The following CDKL4 variants were observed in gnomAD, a reference collection of about 807,000 sequenced individuals.
CDKL4 encodes the protein cyclin dependent kinase like 4, also known as cyclin-dependent kinase-like 4.
Under a neutral mutation model 42.0 loss-of-function variants are expected in CDKL4, and 44 were observed. The ratio of observed to expected loss-of-function variants is 1.05; its 90% confidence interval spans 0.82 to 1.35. CDKL4 has a LOEUF of 1.35. Ranked by LOEUF, CDKL4 falls within the 40% of genes most tolerant of loss-of-function variation. CDKL4 has a pLI of 0.00. For missense variants in CDKL4, 393 were observed against 369.9 expected (o/e 1.06, Z -0.51); for synonymous variants, 120 against 121.6 (o/e 0.99, Z 0.09).
chr2:39,233,109 G>T (rs1049364599), intron 1 of CDKL4, among the ~76,000 whole-genome samples: 2 of 151,496 alleles, frequency 1.3e-5, no homozygotes, highest in Admixed American at 6.6e-5. Flanking sequence ...TTCTGGAGGG[G>T]TTATCTCTTG....
intron 5 of CDKL4, among the ~76,000 whole-genome samples, chr2:39,191,223 A>C (rs1377214908): frequency 6.6e-6 from 1 of 152,094 alleles, no homozygotes; most frequent in South Asian, 2.1e-4. Context: ...ACATGGCAAA[A>C]CCCTGTCTCT....
At chr2:39,173,757 GA>G (rs1435426958), downstream of CDKL4, among the ~76,000 whole-genome samples, 2 of 150,576 alleles carry the variant, frequency 1.3e-5, no homozygotes, top group Admixed American at 6.6e-5. Context: ...AGCTTGCAGT[GA>G]GCCGAGATTG....
intron 3 of CDKL4, among the ~76,000 whole-genome samples, chr2:39,213,802 C>G (rs756201797): frequency 1.4e-4 from 21 of 152,162 alleles, no homozygotes; most frequent in Non-Finnish European, 2.5e-4. Flanking sequence ...TGGGTCAAAT[C>G]TTGCTACCCC....
At chr2:39,176,897 G>T (rs1216420798) in intron 9 of CDKL4, among the ~76,000 whole-genome samples, 1 of 152,152 alleles carries the variant, frequency 6.6e-6, no homozygotes, top group Non-Finnish European at 1.5e-5. Context: ...ATTCAGGTGT[G>T]TCTTCTGAAG....
intron 1 of CDKL4, among the ~76,000 whole-genome samples, chr2:39,235,966 T>G (rs546372495): frequency 6.6e-6 from 1 of 152,016 alleles, no homozygotes; most frequent in Non-Finnish European, 1.5e-5. Flanking sequence ...TAAAAATGGA[T>G]TCTGAGTAGA....
chr2:39,217,748 T>A (rs113771895), intron 3 of CDKL4, among the ~76,000 whole-genome samples: 5 of 146,494 alleles, frequency 3.4e-5, no homozygotes, highest in East Asian at 2.0e-4. Flanking sequence ...TTATTTATTT[T>A]TTGAGATAGA....
upstream of CDKL4, among the ~76,000 whole-genome samples, chr2:39,245,300 G>T (rs547280168): frequency 5.3e-5 from 8 of 152,096 alleles, no homozygotes; most frequent in African/African-American, 1.9e-4. Flanking sequence ...CTCCAGACGC[G>T]CTGCCTTAAG....
At position 39,194,852 on chromosome 2, in the gene CDKL4, G is replaced by A. The variant is rs143407380; in HGVS notation, c.455-4350C>T. Among the ~76,000 whole-genome samples the A allele has an allele frequency of 6.0e-3, 914 of 152,256 alleles. 9 individuals are homozygous for A. Among genetic ancestry groups the A allele is most frequent in the African/African-American group, 0.021 (877 of 41,548 alleles). On this transcript the variant is annotated intron_variant, in intron 5 of 9. Transcript: ENST00000451199. Reference sequence around the variant, plus strand: ...ATTTACCATTTAACCATTTAAGAGTGTGCAATTCAGTGGCATGAAGTACAT... The same window carrying A: ...ATTTACCATTTAACCATTTAAGAGTATGCAATTCAGTGGCATGAAGTACAT...
chr2:39,193,270 TAAA>T (rs1191502183), intron 5 of CDKL4, among the ~76,000 whole-genome samples: 5 of 136,016 alleles, frequency 3.7e-5, no homozygotes, highest in Admixed American at 2.2e-4. Context: ...CTCTCTCTGT[TAAA>T]AAAAAAAAAA....
intron 9 of CDKL4, chr2:39,178,580 G>C: frequency 6.4e-7 from 1 of 1,552,358 alleles, no homozygotes; most frequent in Middle Eastern, 1.7e-4. Context: ...CTGAAAGCAA[G>C]TGAAGGACAG....
At chr2:39,215,541 T>C (rs1023976742) in intron 3 of CDKL4, among the ~76,000 whole-genome samples, 1 of 152,224 alleles carries the variant, frequency 6.6e-6, no homozygotes, top group African/African-American at 2.4e-5. Context: ...AAAAAAATTA[T>C]ATTATGTAAT....
chr2:39,181,810 A>C (rs1558543876), intron 8 of CDKL4, among the ~76,000 whole-genome samples: 1 of 152,188 alleles, frequency 6.6e-6, no homozygotes, highest in African/African-American at 2.4e-5. Context: ...GGAAGAGGCA[A>C]GGAAAGAACC....
intron 1 of CDKL4, among the ~76,000 whole-genome samples, chr2:39,240,677 T>TAAAAAAAA (rs768356807): frequency 1.0e-4 from 9 of 87,902 alleles, no homozygotes; most frequent in East Asian, 3.0e-4. Context: ...AGATGAACAT[T>TAAAAAAAA]AAAAAAAAAA....
At position 39,225,835 on chromosome 2, in the gene CDKL4, T is replaced by C. The variant is rs1406001427; in HGVS notation, c.290+4A>G. ...TACAGAATTTCAGTTTCCAGATTAC[T>C]TACCCATTTGGGTTTCTTTCCAGCT... On this transcript the variant is annotated splice_donor_region_variant and intron_variant, in intron 3 of 9. Coordinates refer to ENST00000451199, the Ensembl canonical transcript of CDKL4. 2 of 1,598,294 alleles carry C rather than the reference T, an allele frequency of 1.3e-6. No individual in the cohort carries two copies. The highest frequency in any genetic ancestry group is 8.5e-7 in the Non-Finnish European group (1 of 1,173,998).
chr2:39,179,083 A>G, intron 9 of CDKL4, 104 bp downstream of exon 9: 4 of 1,525,560 alleles, frequency 2.6e-6, no homozygotes, highest in Middle Eastern at 1.8e-4. Context: ...ACACCAGTAC[A>G]AATGAAAGGT....
At chr2:39,180,612 C>A (rs1314465212) in intron 8 of CDKL4, among the ~76,000 whole-genome samples, 1 of 151,964 alleles carries the variant, frequency 6.6e-6, no homozygotes, top group Non-Finnish European at 1.5e-5. Flanking sequence ...TGCCATATAT[C>A]AACTCCAGCT....
At chr2:39,240,165 T>C (rs1679588759) in intron 1 of CDKL4, among the ~76,000 whole-genome samples, 1 of 151,050 alleles carries the variant, frequency 6.6e-6, no homozygotes, top group African/African-American at 2.4e-5. Context: ...ATCCCAGCAC[T>C]TTGGGAGGCC....
At chr2:39,215,748 T>A (rs1274702943) in intron 3 of CDKL4, among the ~76,000 whole-genome samples, 1 of 152,224 alleles carries the variant, frequency 6.6e-6, no homozygotes, top group Non-Finnish European at 1.5e-5. Context: ...CAGCAAGTGA[T>A]GTACACGGTA....
rs1678102414 is a variant in CDKL4, at chr2:39,218,655, A to G, written c.291-5183T>C. ...CATCAAACCCGTTGAAGGCCTGGATACAACAAAACGGTAGGGGAAGGGCTG... is the reference window on the plus strand; with the variant it reads ...CATCAAACCCGTTGAAGGCCTGGATGCAACAAAACGGTAGGGGAAGGGCTG... On this transcript the variant is annotated intron_variant, in intron 3 of 9. Transcript: ENST00000451199. Among the ~76,000 whole-genome samples, 4 of 152,192 alleles carry G rather than the reference A, an allele frequency of 2.6e-5. No homozygotes were observed. The South Asian group carries it at 8.3e-4, about 32-fold the overall frequency.
Sources: allele counts gnomAD v4.1 joint callset (sites outside exome capture counted in the v4.1 genomes callset), GRCh38; gene constraint gnomAD v4.1.1; transcripts MANE v1.5; gene names NCBI Gene and HGNC (gene_info 2026-07-23, HGNC 2026-07-21).